ANO6: variants seen among roughly 807,000 people sequenced by gnomAD.
The protein encoded by ANO6 is anoctamin-6.
ANO6 carries 106 observed loss-of-function variants against 117.5 expected under a neutral mutation model. The ratio of observed to expected loss-of-function variants is 0.90; its 90% CI spans 0.77 to 1.06. The LOEUF (loss-of-function observed/expected upper bound fraction) is 1.06. Ranked by LOEUF, ANO6 falls within the 50% of genes least tolerant of loss-of-function variation. The pLI is 0.00. For missense variants in ANO6, 955 were observed against 1,121.1 expected (o/e 0.85, Z 2.12); for synonymous variants, 367 against 385.1 (o/e 0.95, Z 0.55).
intron 1 of ANO6, among the ~76,000 whole-genome samples, chr12:45,228,958 G>A (rs116682883): frequency 0.015 from 2,269 of 152,232 alleles, 58 homozygotes; most frequent in African/African-American, 0.051. Context: ...CTATGGTAAT[G>A]CTGTGGTAAT....
At position 45,241,475 on chromosome 12, in the gene ANO6, T is replaced by G. The variant is rs1029755647; in HGVS notation, c.70+25084T>G. Among the ~76,000 whole-genome samples the G allele has an allele frequency of 3.3e-5, 5 of 152,174 alleles. No individual in the cohort carries two copies. In the East Asian group the frequency reaches 7.7e-4, roughly 23 times the overall value. ...TCTAACCTTTTTTCAAGGTTTTTAG[T>G]TTCCTTGGATGGATTAGAACATAAA... On this transcript the variant is annotated intron_variant, in intron 1 of 19. Transcript: ENST00000320560.
At chr12:45,425,155 TTAAAA>T (rs72444348) in intron 19 of ANO6, among the ~76,000 whole-genome samples, 21,164 of 151,862 alleles carry the variant, frequency 0.14, 2,039 homozygotes, top group South Asian at 0.44. Flanking sequence ...CTTCTAGAAA[TTAAAA>T]TAAAATCATT....
At chr12:45,419,842 C>CTAA (rs1409331700) in intron 17 of ANO6, among the ~76,000 whole-genome samples, 2 of 151,896 alleles carry the variant, frequency 1.3e-5, no homozygotes, top group Non-Finnish European at 2.9e-5. Flanking sequence ...GCTTTACCTC[C>CTAA]TAATAGATGT....
intron 7 of ANO6, among the ~76,000 whole-genome samples, chr12:45,351,559 G>T (rs7969966): frequency 0.032 from 4,902 of 152,262 alleles, 243 homozygotes; most frequent in African/African-American, 0.11. Context: ...AATAGGATGG[G>T]AGGGCAGAGT....
At chr12:45,266,805 AGTGTGTGTGTGTGTGTGTGTGT>A (rs57682251) in intron 1 of ANO6, among the ~76,000 whole-genome samples, 6 of 145,658 alleles carry the variant, frequency 4.1e-5, no homozygotes, top group African/African-American at 1.5e-4. Flanking sequence ...TCAAAAAACA[AGTGTGTGTGTGTGTGTGTGTGT>A]GTGTGTGTGT....
chr12:45,315,577 A>G (rs1029097386), intron 2 of ANO6, among the ~76,000 whole-genome samples: 1 of 151,766 alleles, frequency 6.6e-6, no homozygotes, highest in Admixed American at 6.6e-5. Flanking sequence ...ATCTTTTCTC[A>G]CTTACTCACT....
chr12:45,421,303 C>T (rs775339016), intron 18 of ANO6, 30 bp downstream of exon 18: 2 of 1,596,582 alleles, frequency 1.3e-6, no homozygotes, highest in Non-Finnish European at 1.7e-6. Flanking sequence ...TTTAAAAATG[C>T]ACTTCATCTT....
At chr12:45,298,602 G>A (rs1381258661) in intron 1 of ANO6, among the ~76,000 whole-genome samples, 1 of 152,172 alleles carries the variant, frequency 6.6e-6, no homozygotes, top group Non-Finnish European at 1.5e-5. Context: ...GTTCTACCTA[G>A]ATGATGTTTC....
intron 1 of ANO6, among the ~76,000 whole-genome samples, chr12:45,295,180 T>C (rs1324406176): frequency 6.6e-6 from 1 of 152,262 alleles, no homozygotes; most frequent in Non-Finnish European, 1.5e-5. Context: ...CTTTGTATTT[T>C]ATGTTTTATT....
chr12:45,438,227 C>T (rs751235904), intron 19 of ANO6, among the ~76,000 whole-genome samples: 8 of 151,484 alleles, frequency 5.3e-5, no homozygotes, highest in Non-Finnish European at 1.0e-4. Flanking sequence ...TGTATCCTGC[C>T]ACATTCAGCA....
chr12:45,428,774 C>A (rs923616757), intron 19 of ANO6, among the ~76,000 whole-genome samples: 1 of 152,100 alleles, frequency 6.6e-6, no homozygotes, highest in Non-Finnish European at 1.5e-5. Context: ...GAAAAAGAGA[C>A]ACAAAATACA....
chr12:45,246,675 G>A (rs1947829972), intron 1 of ANO6, among the ~76,000 whole-genome samples: 1 of 152,000 alleles, frequency 6.6e-6, no homozygotes, highest in South Asian at 2.1e-4. Context: ...TAGACAAGGA[G>A]TGATCAGTGT....
At chr12:45,324,534 C>T (rs910474502) in intron 2 of ANO6, among the ~76,000 whole-genome samples, 9 of 152,024 alleles carry the variant, frequency 5.9e-5, no homozygotes, top group East Asian at 1.9e-4. Flanking sequence ...GTGACATAAG[C>T]GGTTGACTAG....
intron 9 of ANO6, among the ~76,000 whole-genome samples, chr12:45,373,246 C>G (rs1009997899): frequency 1.3e-5 from 2 of 152,032 alleles, no homozygotes; most frequent in Non-Finnish European, 2.9e-5. Flanking sequence ...ACTTAGACAC[C>G]CACACATTAA....
chr12:45,368,350 A>AAT (rs1941736958), intron 9 of ANO6, among the ~76,000 whole-genome samples: 2 of 152,210 alleles, frequency 1.3e-5, no homozygotes, highest in Non-Finnish European at 2.9e-5. Context: ...GGAAACCTGA[A>AAT]ATCTGTACTT....
chr12:45,234,624 C>T (rs533024766), intron 1 of ANO6, among the ~76,000 whole-genome samples: 22 of 152,292 alleles, frequency 1.4e-4, no homozygotes, highest in Admixed American at 1.4e-3. Context: ...AAGAATGACT[C>T]ATGATTTTTC....
intron 1 of ANO6, among the ~76,000 whole-genome samples, chr12:45,243,215 C>T (rs536680207): frequency 5.6e-4 from 85 of 152,294 alleles, no homozygotes; most frequent in African/African-American, 2.0e-3. Context: ...GCCACTCAGG[C>T]AGCTGAGGCA....
intron 19 of ANO6, among the ~76,000 whole-genome samples, chr12:45,428,557 G>C (rs1943560030): frequency 6.6e-6 from 1 of 152,130 alleles, no homozygotes; most frequent in African/African-American, 2.4e-5. Context: ...CTCCAGCCTG[G>C]GTGACAGAGT....
intron 16 of ANO6, among the ~76,000 whole-genome samples, chr12:45,411,615 A>C (rs968130213): frequency 9.2e-5 from 14 of 152,112 alleles, no homozygotes; most frequent in African/African-American, 2.2e-4. Context: ...TTCCTTAACA[A>C]CACCACCATC....
Sources: gnomAD v4.1 joint callset for allele counts (sites outside exome capture counted in the v4.1 genomes callset) on GRCh38, gnomAD v4.1.1 for gene constraint, MANE v1.5 for transcripts, NCBI Gene and HGNC (gene_info 2026-07-23, HGNC 2026-07-21) for gene names.